FES: variants seen among roughly 807,000 people sequenced by gnomAD.
FES encodes FES proto-oncogene, tyrosine kinase.
Under a neutral mutation model 109.6 loss-of-function variants are expected in FES, and 83 were observed. That is an observed-to-expected ratio of 0.76 (90% CI 0.63 to 0.91). The LOEUF is 0.91. Ranked by LOEUF, FES falls within the 40% of genes least tolerant of loss-of-function variation. The pLI, the probability that FES is intolerant of heterozygous loss-of-function variation, is 0.00. For synonymous variants in FES, 458 were observed against 442.1 expected, an observed-to-expected ratio of 1.04 and a Z score of -0.45; for missense variants, 943 against 1,070.9, an observed-to-expected ratio of 0.88 and a Z score of 1.67.
rs2033116857 is a variant in FES, at chr15:90,890,549, A to G, written c.1320+65A>G. On this transcript the variant is annotated intron_variant, in intron 10 of 18. Transcript: ENST00000328850. Reference sequence around the variant, plus strand: ...TCGAGTTTAATCACTGGGATGTCCTAGAGAGGAGGCTCTGCCCAGGCTGCT... The same window carrying G: ...TCGAGTTTAATCACTGGGATGTCCTGGAGAGGAGGCTCTGCCCAGGCTGCT... The G allele has an allele frequency of 4.2e-6, 6 of 1,442,838 alleles. No individual in the cohort carries two copies. The South Asian group carries it at 7.1e-5, about 17-fold the overall frequency. 89.4% of individuals were successfully genotyped at this position (1,442,838 alleles called of 1,614,324 possible). A position where few individuals can be genotyped will look rare whatever the true frequency, so the allele number is the denominator to read the frequency against.
At chr15:90,886,009 CG>C (rs1188567967) in intron 3 of FES, among the ~76,000 whole-genome samples, 2 of 152,202 alleles carry the variant, frequency 1.3e-5, no homozygotes, top group African/African-American at 2.4e-5. Flanking sequence ...GTCGAGGATT[CG>C]GGCCGTGAAG....
Position 90,889,432 on chromosome 15 carries a change from G to A in FES, c.795G>A (p.Leu265=). ...IQPEAEYQGF[L]RQYGSAPDVP... ...CTGAGGCTGAGTACCAAGGCTTCCT[G>A]CGACAGTATGGGTAAGCCCCGTCCT... The change falls in exon 6 of 19, where the codon CTG becomes CTA. Residue 265 remains leucine, a synonymous_variant. Transcript: ENST00000328850. The surrounding 1 kb of genome is among the most constrained non-coding windows in gnomAD (Gnocchi z 6.1). 6.2e-7 allele frequency: 1 copy of A among 1,614,076 alleles called. No homozygotes were observed. The highest frequency in any genetic ancestry group is 8.5e-7 in the Non-Finnish European group (1 of 1,180,012).
intron 13 of FES, 103 bp downstream of exon 13, chr15:90,892,214 C>T: frequency 1.5e-6 from 2 of 1,303,002 alleles, no homozygotes; most frequent in South Asian, 1.2e-5. Context: ...CCATCTGATT[C>T]CCCACTTGTA....
chr15:90,893,805 A>C lies in FES; in HGVS notation c.2197A>C (p.Asn733His), dbSNP rs1294373196. The change falls in exon 17 of 19, where the codon AAC (asparagine) becomes CAC (histidine). Residue 733 changes from asparagine to histidine, a missense_variant. By Grantham distance (68) the Asn-to-His change is moderately conservative. Transcript: ENST00000328850. ...GAAGTGGACCGCACCTGAGGCCCTT[A>C]ACTACGGTACCTAGTCCCTGTCTAC... ...PVKWTAPEAL[N>H]YGRYSSESDV... 2 of 1,593,516 alleles carry C rather than the reference A, an allele frequency of 1.3e-6. No homozygotes were observed. The highest frequency in any genetic ancestry group is 2.7e-5 in the African/African-American group (2 of 74,288).
rs757128228 is a variant in FES, at chr15:90,885,594, G to C, written c.387+9G>C. On this transcript the variant is annotated intron_variant, in intron 3 of 18. Transcript: ENST00000328850. The stretch of plus-strand genomic sequence containing the variant: ...AGCAGGAGCTCACCAAGGTGAGCGG[G>C]CAGCACTGGGGCTTCGGTCATTTCT... 5 of 1,611,594 alleles carry C rather than the reference G, an allele frequency of 3.1e-6. No individual in the cohort carries two copies. Among genetic ancestry groups the C allele is most frequent in the Non-Finnish European group, 4.2e-6 (5 of 1,179,434 alleles).
In FES at chr15:90,890,990, A is replaced by T. The variant is rs2033162075; in HGVS notation, c.1329A>T (p.Pro443=). ...GIFRPKFSLP[P]PLQLIPEVQK... ...GATCCTCCCTTGCCCAGCTCCCTCC[A>T]CCGCTGCAGCTCATTCCGGAGGTGC... The change falls in exon 11 of 19, where the codon CCA becomes CCT. Residue 443 remains proline (P), a synonymous_variant. Coordinates refer to ENST00000328850, the MANE Select transcript of FES (RefSeq NM_002005.4). The T allele has an allele frequency of 1.9e-6, 3 of 1,584,572 alleles. No individual in the cohort carries two copies. The South Asian group carries it at 3.4e-5, about 18-fold the overall frequency.
Position 90,895,490 on chromosome 15 carries a change from C to T in FES, c.2401C>T (p.Pro801Ser). The change falls in exon 19 of 19, where the codon CCT becomes TCT. Residue 801 changes from proline (P) to serine (S), a missense_variant. Pro to Ser is a moderately conservative substitution (Grantham distance 74). Coordinates refer to ENST00000328850, the MANE Select transcript of FES (RefSeq NM_002005.4). ...CATGGAGCAGTGCTGGGCCTATGAG[C>T]CTGGGCAGCGGCCCAGCTTCAGCAC... ...RLMEQCWAYE[P>S]GQRPSFSTIY... The T allele has an allele frequency of 1.9e-6, 3 of 1,598,890 alleles. No homozygotes were observed. The highest frequency in any genetic ancestry group is 2.6e-6 in the Non-Finnish European group (3 of 1,171,998).
Position 90,893,258 on chromosome 15 carries a change from A to G in FES, c.1922-33A>G, listed in dbSNP as rs376099256. 93 of 1,612,406 alleles carry G rather than the reference A, an allele frequency of 5.8e-5. No individual in the cohort carries two copies. In the African/African-American group the frequency reaches 1.2e-3, roughly 21 times the overall value. On this transcript the variant is annotated intron_variant, in intron 15 of 18. Transcript: ENST00000328850. Reference sequence around the variant, plus strand: ...CCTGGTCAGGTGGCAGCCTTACCTCAGGAGGCTCAGCAGGGGTCCTCCCCA... The same window carrying G: ...CCTGGTCAGGTGGCAGCCTTACCTCGGGAGGCTCAGCAGGGGTCCTCCCCA...
Position 90,889,951 on chromosome 15 carries a change from C to T in FES, c.1038C>T (p.His346=), listed in dbSNP as rs780534019. The T allele has an allele frequency of 1.9e-5, 31 of 1,613,004 alleles. No homozygotes were observed. The East Asian group carries it at 3.3e-4, about 17-fold the overall frequency. The change falls in exon 8 of 19, where the codon CAC becomes CAT. Residue 346 remains histidine (H), a synonymous_variant. Coordinates refer to ENST00000328850, the MANE Select transcript of FES (RefSeq NM_002005.4). The surrounding 1 kb of genome is among the most constrained non-coding windows in gnomAD (Gnocchi z 6.1). ...QELRNEEENT[H]PRERVQLLGK... ...TCCGGAATGAAGAGGAGAACACCCA[C>T]CCCCGGGAGCGGTGAGTGGGCCCCT...
intron 16 of FES, 21 bp from the exon 17 acceptor site, chr15:90,893,633 C>A: frequency 6.4e-7 from 1 of 1,556,422 alleles, no homozygotes; most frequent in Admixed American, 1.9e-5. Context: ...GCCAAATGAG[C>A]CCCTGCCCTG....
In FES at chr15:90,895,672, T is replaced by C. The variant is rs2033643965; in HGVS notation, c.*114T>C. 1.1e-6 allele frequency: 1 copy of C among 950,406 alleles called. No homozygotes were observed. The highest frequency in any genetic ancestry group is 3.3e-5 in the Admixed American group (1 of 30,010). The allele number at this position is 950,406 out of a possible 1,614,324, so 58.9% of individuals were successfully genotyped here. A position where few individuals can be genotyped will look rare whatever the true frequency, so the allele number is the denominator to read the frequency against. ...CAGTCCTGGACTCCTGCCACCAGCA[T>C]CCACACTGCCGGCAGGATGCAGCGC... On this transcript the variant is annotated 3_prime_UTR_variant, in exon 19 of 19. Coordinates refer to ENST00000328850, the MANE Select transcript of FES (RefSeq NM_002005.4).
rs765944755 is a variant in FES at position 90,890,434 on chromosome 15, C to G, written c.1270C>G (p.Leu424Val). Reference sequence around the variant, plus strand: ...GCGAGAGGGGGGAAGGACACCCACGCTGGAGATCCTTAAGAGCCACATCTC... The same window carrying G: ...GCGAGAGGGGGGAAGGACACCCACGGTGGAGATCCTTAAGAGCCACATCTC... ...QEREGGRTPT[L>V]EILKSHISGI... The change falls in exon 10 of 19, where the codon CTG becomes GTG. Residue 424 changes from leucine (L) to valine (V), a missense_variant. By Grantham distance (32) the Leu-to-Val change is conservative (BLOSUM62 1). Transcript: ENST00000328850. The G allele has an allele frequency of 6.2e-7, 1 of 1,613,204 alleles. No individual in the cohort carries two copies. The highest frequency in any genetic ancestry group is 8.5e-7 in the Non-Finnish European group (1 of 1,179,886).
rs1406856526 is a variant in FES at position 90,889,405 on chromosome 15, G to C, written c.768G>C (p.Gln256His). The C allele has an allele frequency of 3.1e-6, 5 of 1,613,992 alleles. No homozygotes were observed. The highest frequency in any genetic ancestry group is 1.3e-5 in the African/African-American group (1 of 74,940). ...REMAAAAARI[Q>H]PEAEYQGFLR... ...TGGCTGCAGCTGCTGCCCGCATCCA[G>C]CCTGAGGCTGAGTACCAAGGCTTCC... The change falls in exon 6 of 19, where the codon CAG becomes CAC. Residue 256 changes from glutamine to histidine, a missense_variant. By Grantham distance (24) the Gln-to-His change is conservative. Coordinates refer to ENST00000328850, the MANE Select transcript of FES (RefSeq NM_002005.4). The surrounding 1 kb of genome is among the most constrained non-coding windows in gnomAD (Gnocchi z 6.1).
rs949999341 is a variant in FES at position 90,890,492 on chromosome 15, G to A, written c.1320+8G>A. On this transcript the variant is annotated splice_region_variant and intron_variant, in intron 10 of 18. Transcript: ENST00000328850. ...TTCCGCCCCAAGTTCTCGGTGAGTGGCGCCCAGCCTGGGCCCCCCTACTGT... is the reference window on the plus strand; with the variant it reads ...TTCCGCCCCAAGTTCTCGGTGAGTGACGCCCAGCCTGGGCCCCCCTACTGT... The A allele has an allele frequency of 6.2e-7, 1 of 1,610,840 alleles. No individual in the cohort carries two copies. The highest frequency in any genetic ancestry group is 1.3e-5 in the African/African-American group (1 of 74,792).
chr15:90,893,939 G>C lies in FES; in HGVS notation c.2207G>C (p.Arg736Pro). 6.2e-7 allele frequency: 1 copy of C among 1,613,578 alleles called. No individual in the cohort carries two copies. The highest frequency in any genetic ancestry group is 1.1e-5 in the South Asian group (1 of 91,086). Residue 736 changes from arginine (R) to proline (P), a missense_variant, in exon 18 of 19, where the codon CGC (arginine) becomes CCC (proline). Arg to Pro is a moderately radical substitution (Grantham distance 103, BLOSUM62 -2). Coordinates refer to ENST00000328850, the MANE Select transcript of FES (RefSeq NM_002005.4). ...CACCTCCTCGCCTCCTCTGCAGGCC[G>C]CTACTCCTCCGAAAGCGACGTGTGG... ...WTAPEALNYGRYSSESDVWSF... is the reference protein window; with the variant it reads ...WTAPEALNYGPYSSESDVWSF...
chr15:90,893,981 T>G lies in FES; in HGVS notation c.2249T>G (p.Leu750Arg), dbSNP rs781629256. ...ESDVWSFGIL[L>R]WETFSLGASP... ...GACGTGTGGAGCTTTGGCATCTTGC[T>G]CTGGGAGACCTTCAGCCTGGGGGCC... Residue 750 changes from leucine to arginine, a missense_variant, in exon 18 of 19, where the codon CTC becomes CGC. Coordinates refer to ENST00000328850, the MANE Select transcript of FES (RefSeq NM_002005.4). 10 of 1,613,872 alleles carry G rather than the reference T, an allele frequency of 6.2e-6. No individual in the cohort carries two copies. Among genetic ancestry groups the G allele is most frequent in the Non-Finnish European group, 8.5e-6 (10 of 1,179,996 alleles).
In FES at chr15:90,893,195, G is replaced by A; in HGVS notation, c.1921+1G>A. 2 of 1,613,854 alleles carry A rather than the reference G, an allele frequency of 1.2e-6. No individual in the cohort carries two copies. Among genetic ancestry groups the A allele is most frequent in the Non-Finnish European group, 1.7e-6 (2 of 1,179,952 alleles). On this transcript the variant is annotated splice_donor_variant, in intron 15 of 18. Coordinates refer to ENST00000328850, the MANE Select transcript of FES (RefSeq NM_002005.4). LOFTEE classifies it high-confidence loss of function. ...TACATCGTCATGGAGCTTGTGCAGGGTGAGCGCGGGGCGCTGAGCTCCAGG... is the reference window on the plus strand; with the variant it reads ...TACATCGTCATGGAGCTTGTGCAGGATGAGCGCGGGGCGCTGAGCTCCAGG...
chr15:90,890,710 T>G lies in FES; in HGVS notation c.1320+226T>G, dbSNP rs1262014409. The stretch of plus-strand genomic sequence containing the variant: ...ACCTCGACTATTCCATGGCTCTCCC[T>G]GCTTCAGGAGCGGGTTGGGGGCCTG... On this transcript the variant is annotated intron_variant, in intron 10 of 18. Coordinates refer to ENST00000328850, the MANE Select transcript of FES (RefSeq NM_002005.4). 2.5e-3 allele frequency among the ~76,000 whole-genome samples: 144 copies of G among 58,224 alleles called. 1 individual carries two copies. Among genetic ancestry groups the G allele is most frequent in the Non-Finnish European group, 2.2e-4 (6 of 26,890 alleles). The allele number at this position is 58,224 out of a possible 152,430, so 38.2% of individuals were successfully genotyped here.
rs1567093575 is a variant in FES, at chr15:90,887,171, G to T, written c.485-16G>T. On this transcript the variant is annotated splice_polypyrimidine_tract_variant and intron_variant, in intron 4 of 18. Coordinates refer to ENST00000328850, the MANE Select transcript of FES (RefSeq NM_002005.4). ...CTCCATGCTGTCATCTATACCCCTTGCCCCCCTTCTGGCAGACAAGGACCG... is the reference window on the plus strand; with the variant it reads ...CTCCATGCTGTCATCTATACCCCTTTCCCCCCTTCTGGCAGACAAGGACCG... The T allele has an allele frequency of 1.9e-6, 3 of 1,612,300 alleles. No homozygotes were observed. The highest frequency in any genetic ancestry group is 2.5e-6 in the Non-Finnish European group (3 of 1,178,782).
Sources: gnomAD v4.1 joint callset for allele counts (sites outside exome capture counted in the v4.1 genomes callset) on GRCh38, gnomAD v4.1.1 for gene constraint, Gnocchi (gnomAD v3.1) non-coding constraint, MANE v1.5 for transcripts, NCBI Gene and HGNC (gene_info 2026-07-23, HGNC 2026-07-21) for gene names.